The following EFEMP1 variants were observed in gnomAD, a reference collection of about 807,000 sequenced individuals.
The protein encoded by EFEMP1 is EGF-like fibulin extracellular matrix protein 1, also known as EGF-containing fibulin-like extracellular matrix protein 1.
EFEMP1 carries 18 observed loss-of-function variants against 65.7 expected under a neutral mutation model. The observed-to-expected ratio is 0.27, with a 90% CI of 0.19 to 0.41. The LOEUF (loss-of-function observed/expected upper bound fraction) is 0.41. Ranked by LOEUF, EFEMP1 falls within the 10% of genes least tolerant of loss-of-function variation. EFEMP1 has a pLI of 1.00. For synonymous variants in EFEMP1, 237 were observed against 219.7 expected (o/e 1.08, Z -0.70); for missense variants, 469 against 624.8 (o/e 0.75, Z 2.66).
intron 5 of EFEMP1, among the ~76,000 whole-genome samples, chr2:55,894,522 C>A (rs1250513089): frequency 8.3e-6 from 1 of 120,230 alleles, no homozygotes; most frequent in African/African-American, 3.1e-5. Context: ...AGAGTCTTCA[C>A]TAAGCAGCAT....
chr2:55,889,294 A>G (rs562547922), intron 5 of EFEMP1, among the ~76,000 whole-genome samples: 130 of 152,336 alleles, frequency 8.5e-4, no homozygotes, highest in Middle Eastern at 3.4e-3. Context: ...TGTGCCCACT[A>G]AATTGAGGCA....
rs56122343 is a variant in EFEMP1, at chr2:55,871,616, G to A, written c.1001-493C>T. The stretch of plus-strand genomic sequence containing the variant: ...CTCAACGTGGCCTTGAAGGGTGGTG[G>A]TTAGATGGAGTTTTCATGGCTGGGG... On this transcript the variant is annotated intron_variant, in intron 9 of 11. Transcript: ENST00000355426. This position sits in a 1 kb window ranked among gnomAD's most constrained non-coding sequence, Gnocchi z 4.2. 0.14 allele frequency among the ~76,000 whole-genome samples: 21,815 copies of A among 151,986 alleles called. 1,902 individuals are homozygous for A. Among genetic ancestry groups the A allele is most frequent in the African/African-American group, 0.24 (10,144 of 41,434 alleles).
chr2:55,899,151 C>A (rs1288702495), intron 5 of EFEMP1, among the ~76,000 whole-genome samples: 3 of 152,218 alleles, frequency 2.0e-5, no homozygotes, highest in Non-Finnish European at 4.4e-5. Context: ...GTGGCAGCAC[C>A]AATTCCTCCT....
Position 55,874,985 on chromosome 2 carries a change from G to A in EFEMP1, c.961C>T (p.Pro321Ser). Residue 321 changes from proline (P) to serine (S), a missense_variant, in exon 9 of 12, where the codon CCC becomes TCC. Transcript: ENST00000355426. ...CTTCTCACCACTTGGTATCCCTGGGGGCACATACATGAGAATTTCCCAGGT... is the reference window on the plus strand; with the variant it reads ...CTTCTCACCACTTGGTATCCCTGGGAGCACATACATGAGAATTTCCCAGGT... ...NEPGKFSCMC[P>S]QGYQVVRSRT... is the part of the protein sequence containing the mutation. 1 of 1,609,130 alleles carries A rather than the reference G, an allele frequency of 6.2e-7. No individual in the cohort carries two copies. The highest frequency in any genetic ancestry group is 8.5e-7 in the Non-Finnish European group (1 of 1,177,280).
At chr2:55,880,222 T>G (rs1461042025) in intron 6 of EFEMP1, among the ~76,000 whole-genome samples, 1 of 152,086 alleles carries the variant, frequency 6.6e-6, no homozygotes, top group African/African-American at 2.4e-5. Flanking sequence ...GTAGACTTGA[T>G]TCTCTCAGTG....
chr2:55,903,943 T>C (rs1670140029), intron 5 of EFEMP1, among the ~76,000 whole-genome samples: 1 of 152,188 alleles, frequency 6.6e-6, no homozygotes, highest in Non-Finnish European at 1.5e-5. Context: ...CCCTCCCAGT[T>C]ACATTCCACA....
chr2:55,910,616 G>A (rs1002794580), intron 5 of EFEMP1, among the ~76,000 whole-genome samples: 3 of 152,244 alleles, frequency 2.0e-5, no homozygotes, highest in South Asian at 4.1e-4. Flanking sequence ...GAAGTTACCC[G>A]GGCTTGCAAT....
intron 5 of EFEMP1, among the ~76,000 whole-genome samples, chr2:55,910,379 T>A (rs1161072704): frequency 6.6e-6 from 1 of 152,238 alleles, no homozygotes; most frequent in East Asian, 1.9e-4. Flanking sequence ...AACATGCTAA[T>A]GAATTTCAGA....
rs1315922767 is a variant in EFEMP1, at chr2:55,922,595, C to A, written c.-7-148G>T. ...CTTCCAATCTGCTTTCTCATCTCCCCTCCCCCTCCTGAACCTTCTCGGTAG... is the reference window on the plus strand; with the variant it reads ...CTTCCAATCTGCTTTCTCATCTCCCATCCCCCTCCTGAACCTTCTCGGTAG... On this transcript the variant is annotated intron_variant, in intron 2 of 11. Transcript: ENST00000355426. The surrounding 1 kb of genome is among the most constrained non-coding windows in gnomAD (Gnocchi z 5.5). 2.0e-5 allele frequency: 15 copies of A among 752,640 alleles called. No homozygotes were observed. The highest frequency in any genetic ancestry group is 3.4e-5 in the African/African-American group (2 of 57,994). The allele number at this position is 752,640 out of a possible 1,614,324, so 46.6% of individuals were successfully genotyped here.
At chr2:55,903,863 A>T (rs1670137668) in intron 5 of EFEMP1, among the ~76,000 whole-genome samples, 2 of 151,978 alleles carry the variant, frequency 1.3e-5, no homozygotes, top group African/African-American at 2.4e-5. Context: ...ACTTTAGGAG[A>T]ATCTACTTTT....
At chr2:55,915,213 C>T (rs1670632850) in intron 5 of EFEMP1, among the ~76,000 whole-genome samples, 2 of 152,182 alleles carry the variant, frequency 1.3e-5, no homozygotes, top group South Asian at 4.1e-4. Flanking sequence ...ATGGTATAGA[C>T]ACCAATCCCA....
Position 55,869,786 on chromosome 2 carries a change from T to C in EFEMP1, c.1320+934A>G, listed in dbSNP as rs1047099756. Among the ~76,000 whole-genome samples the C allele has an allele frequency of 3.3e-5, 5 of 152,286 alleles. No individual in the cohort carries two copies. In the South Asian group the frequency reaches 8.3e-4, roughly 25 times the overall value. The stretch of plus-strand genomic sequence containing the variant: ...CATCATTAGCATGAAACAGTTACCG[T>C]AACTCTGCAAACTGCTTGGTAGGGT... On this transcript the variant is annotated intron_variant, in intron 11 of 11. Transcript: ENST00000355426.
At chr2:55,903,251 G>A (rs1670112490) in intron 5 of EFEMP1, among the ~76,000 whole-genome samples, 2 of 152,168 alleles carry the variant, frequency 1.3e-5, no homozygotes, top group East Asian at 3.8e-4. Context: ...AAATATCTGT[G>A]ATTTATAGCT....
At chr2:55,894,712 CCTT>C (rs1463106645) in intron 5 of EFEMP1, among the ~76,000 whole-genome samples, 1 of 152,140 alleles carries the variant, frequency 6.6e-6, no homozygotes, top group African/African-American at 2.4e-5. Flanking sequence ...TACAAAATGA[CCTT>C]CTTCAAATGC....
chr2:55,902,384 G>A (rs370364080), intron 5 of EFEMP1, among the ~76,000 whole-genome samples: 2 of 152,336 alleles, frequency 1.3e-5, no homozygotes, highest in South Asian at 4.1e-4. Context: ...CAGTGAAGAT[G>A]GGAAACCTTA....
intron 5 of EFEMP1, among the ~76,000 whole-genome samples, chr2:55,895,820 C>T (rs1227408876): frequency 1.3e-5 from 2 of 152,160 alleles, no homozygotes; most frequent in East Asian, 3.9e-4. Flanking sequence ...GGATTACAGG[C>T]GTGAACCACC....
Position 55,917,823 on chromosome 2 carries a change from G to A in EFEMP1, c.359C>T (p.Ala120Val). ...SGVLPGGGFVASAAAVAGPEM... is the reference protein window; with the variant it reads ...SGVLPGGGFVVSAAAVAGPEM... ...AGGGCCTGCGACTGCAGCAGCACTG[G>A]CCACAAAACCACCCCCGGGCAACAC... The change falls in exon 5 of 12, where the codon GCC becomes GTC. Residue 120 changes from alanine to valine, a missense_variant. This residue lies in a region of EFEMP1 where 399 missense variants were observed against 528.2 expected (regional missense o/e 0.76). Transcript: ENST00000355426. The surrounding 1 kb of genome is among the most constrained non-coding windows in gnomAD (Gnocchi z 6.3). The A allele has an allele frequency of 6.2e-7, 1 of 1,614,196 alleles. No homozygotes were observed. The highest frequency in any genetic ancestry group is 8.5e-7 in the Non-Finnish European group (1 of 1,180,030).
Position 55,876,472 on chromosome 2 carries a change from G to C in EFEMP1, c.880+151C>G, listed in dbSNP as rs1572791446. ...CTTTTTCTTGGTAACACACTAAAAA[G>C]GCAATGTAACAACTGAACTACATTA... is the stretch of plus-strand genomic sequence containing the variant. On this transcript the variant is annotated intron_variant, in intron 8 of 11. Transcript: ENST00000355426. The C allele has an allele frequency of 3.8e-6, 4 of 1,050,894 alleles. No homozygotes were observed. In the African/African-American group the frequency reaches 6.5e-5, roughly 17 times the overall value. 65.1% of individuals were successfully genotyped at this position (1,050,894 alleles called of 1,614,324 possible).
intron 5 of EFEMP1, among the ~76,000 whole-genome samples, chr2:55,913,394 G>A (rs888746201): frequency 5.3e-5 from 8 of 151,928 alleles, no homozygotes; most frequent in African/African-American, 1.9e-4. Context: ...CAACTTTATT[G>A]GACATTCGTA....
Sources: gnomAD v4.1 joint callset for allele counts (sites outside exome capture counted in the v4.1 genomes callset) on GRCh38, gnomAD v4.1.1 for gene constraint, gnomAD v4.1.1 regional missense constraint, Gnocchi (gnomAD v3.1) non-coding constraint, MANE v1.5 for transcripts, NCBI Gene and HGNC (gene_info 2026-07-23, HGNC 2026-07-21) for gene names.